The following LSAMP variants were observed in gnomAD, a reference collection of about 807,000 sequenced individuals.
The protein encoded by LSAMP is limbic system associated membrane protein.
A neutral mutation model predicts 38.6 loss-of-function variants in LSAMP; 7 were observed. That is an observed-to-expected ratio of 0.18 (90% CI 0.10 to 0.34). The LOEUF is 0.34. Ranked by LOEUF, LSAMP falls within the 10% of genes least tolerant of loss-of-function variation. LSAMP has a pLI of 1.00. For synonymous variants in LSAMP, 154 were observed against 166.8 expected, an observed-to-expected ratio of 0.92 and a Z score of 0.59; for missense variants, 313 against 420.0, an observed-to-expected ratio of 0.75 and a Z score of 2.23.
Position 116,433,527 on chromosome 3 carries a change from C to A in LSAMP, c.155+11350G>T, listed in dbSNP as rs536861151. The stretch of plus-strand genomic sequence containing the variant: ...TTGCAAACTCCACTGAACATTCCAG[C>A]GTTAATTTTTCCAGGAATGTGTAAT... On this transcript the variant is annotated intron_variant, in intron 1 of 6. Transcript: ENST00000490035. Among the ~76,000 whole-genome samples, 52 of 152,212 alleles carry A rather than the reference C, an allele frequency of 3.4e-4. No individual in the cohort carries two copies. The South Asian group carries it at 3.5e-3, about 10-fold the overall frequency.
At chr3:116,427,805 T>C (rs2049223911) in intron 1 of LSAMP, among the ~76,000 whole-genome samples, 1 of 152,140 alleles carries the variant, frequency 6.6e-6, no homozygotes, top group Admixed American at 6.5e-5. Flanking sequence ...TAACTACCCA[T>C]GTTACACACT....
intron 3 of LSAMP, among the ~76,000 whole-genome samples, chr3:115,939,542 T>TTCTC (rs1937827371): frequency 1.2e-5 from 1 of 82,356 alleles, no homozygotes; most frequent in Non-Finnish European, 2.8e-5. Context: ...CTTTCTTTCT[T>TTCTC]TCTTTCTTTC....
At chr3:116,247,549 A>G (rs1021482971) in intron 1 of LSAMP, among the ~76,000 whole-genome samples, 1 of 152,236 alleles carries the variant, frequency 6.6e-6, no homozygotes, top group Non-Finnish European at 1.5e-5. Flanking sequence ...GGAGATTTTT[A>G]GAGATATTTT....
At chr3:116,188,656 C>G (rs965682846) in intron 1 of LSAMP, among the ~76,000 whole-genome samples, 4 of 152,142 alleles carry the variant, frequency 2.6e-5, no homozygotes, top group African/African-American at 9.7e-5. Context: ...ATGAATCACT[C>G]CTGGGAAACG....
At chr3:115,869,148 G>C (rs530332664) in intron 3 of LSAMP, among the ~76,000 whole-genome samples, 28 of 152,152 alleles carry the variant, frequency 1.8e-4, no homozygotes, top group Non-Finnish European at 2.8e-4. Flanking sequence ...TAAAGAATAT[G>C]ACTGCTGCAT....
intron 1 of LSAMP, among the ~76,000 whole-genome samples, chr3:116,290,596 G>T (rs2047251633): frequency 6.6e-6 from 1 of 151,882 alleles, no homozygotes. Context: ...CTGGTGTGGT[G>T]GCGTGTGCCT....
chr3:116,374,990 G>T (rs928730626), intron 1 of LSAMP, among the ~76,000 whole-genome samples: 11 of 151,866 alleles, frequency 7.2e-5, no homozygotes, highest in Admixed American at 5.3e-4. Flanking sequence ...TCTTTCTCCT[G>T]CCTTGGGCCC....
At chr3:115,864,023 C>T (rs958577562) in intron 3 of LSAMP, among the ~76,000 whole-genome samples, 1 of 152,108 alleles carries the variant, frequency 6.6e-6, no homozygotes. Flanking sequence ...TATCCATGGG[C>T]ATTGTGTGTT....
At chr3:115,939,980 G>A (rs533588626) in intron 3 of LSAMP, among the ~76,000 whole-genome samples, 1 of 152,214 alleles carries the variant, frequency 6.6e-6, no homozygotes, top group Admixed American at 6.5e-5. Context: ...TGTGTCCAGA[G>A]TTGTTTGTTC....
At chr3:116,104,692 G>C (rs550861180) in intron 1 of LSAMP, among the ~76,000 whole-genome samples, 1 of 152,032 alleles carries the variant, frequency 6.6e-6, no homozygotes, top group East Asian at 1.9e-4. Flanking sequence ...CCATCCACTC[G>C]CAAGTGAACT....
At chr3:116,186,452 T>C (rs886815534) in intron 1 of LSAMP, among the ~76,000 whole-genome samples, 8 of 152,138 alleles carry the variant, frequency 5.3e-5, no homozygotes, top group Admixed American at 5.2e-4. Context: ...AATTCCTGTG[T>C]AGAATTGGTA....
intron 2 of LSAMP, among the ~76,000 whole-genome samples, chr3:116,080,557 T>A (rs933971594): frequency 2.0e-5 from 3 of 152,218 alleles, no homozygotes; most frequent in Non-Finnish European, 4.4e-5. Context: ...GGGAAGAATA[T>A]CAGGTTAAAA....
At chr3:116,030,578 G>A (rs1260672220) in intron 2 of LSAMP, among the ~76,000 whole-genome samples, 2 of 152,004 alleles carry the variant, frequency 1.3e-5, no homozygotes, top group South Asian at 4.2e-4. Context: ...TATGTTTCTG[G>A]TACTAACAGA....
chr3:116,046,177 C>T (rs1941284262), intron 2 of LSAMP, among the ~76,000 whole-genome samples: 1 of 152,104 alleles, frequency 6.6e-6, no homozygotes, highest in African/African-American at 2.4e-5. Flanking sequence ...AAATACACAC[C>T]AAAGCTGTAC....
intron 1 of LSAMP, among the ~76,000 whole-genome samples, chr3:116,149,318 G>A (rs185806305): frequency 3.4e-4 from 52 of 152,058 alleles, no homozygotes; most frequent in Non-Finnish European, 6.2e-4. Flanking sequence ...CACTGCCTTT[G>A]CTGTCCCTAA....
At chr3:116,313,981 C>T (rs572251970) in intron 1 of LSAMP, among the ~76,000 whole-genome samples, 67 of 152,222 alleles carry the variant, frequency 4.4e-4, no homozygotes, top group African/African-American at 9.4e-4. Context: ...TTGGACTGTA[C>T]GAAGTCTTGT....
chr3:116,167,856 G>A (rs1710098383), intron 1 of LSAMP, among the ~76,000 whole-genome samples: 1 of 152,220 alleles, frequency 6.6e-6, no homozygotes, highest in Non-Finnish European at 1.5e-5. Flanking sequence ...TATGAAGACT[G>A]AAAGCTGAGC....
intron 1 of LSAMP, among the ~76,000 whole-genome samples, chr3:116,443,459 T>C (rs970054929): frequency 6.6e-6 from 1 of 152,084 alleles, no homozygotes; most frequent in Non-Finnish European, 1.5e-5. Context: ...GAGAAACACA[T>C]ACCCACACAA....
intron 3 of LSAMP, among the ~76,000 whole-genome samples, chr3:115,998,317 G>C (rs936485921): frequency 6.6e-6 from 1 of 152,052 alleles, no homozygotes; most frequent in African/African-American, 2.4e-5. Context: ...TTTTCAAAAA[G>C]GCTCTATCAT....
Sources: gnomAD v4.1 joint callset for allele counts (sites outside exome capture counted in the v4.1 genomes callset) on GRCh38, gnomAD v4.1.1 for gene constraint, MANE v1.5 for transcripts, NCBI Gene and HGNC (gene_info 2026-07-23, HGNC 2026-07-21) for gene names.